MROH9: variants seen among roughly 807,000 people sequenced by gnomAD.
MROH9 encodes maestro heat like repeat family member 9.
In MROH9, 92 loss-of-function variants were observed where a neutral mutation model predicts 98.2. The ratio of observed to expected loss-of-function variants is 0.94; its 90% CI spans 0.79 to 1.11. The LOEUF is 1.11. Among genes scored for constraint, MROH9 ranks in the 50% most tolerant of loss-of-function variants. The pLI, the probability that MROH9 is intolerant of heterozygous loss-of-function variation, is 0.00. For missense variants in MROH9, 1,057 were observed against 1,014.8 expected (o/e 1.04, Z -0.57); for synonymous variants, 397 against 368.9 (o/e 1.08, Z -0.87).
chr1:170,949,713 A>T (rs1157615571), intron 3 of MROH9, among the ~76,000 whole-genome samples: 1 of 152,042 alleles, frequency 6.6e-6, no homozygotes, highest in Admixed American at 6.6e-5. Context: ...ACACTCTCCT[A>T]GTAAATTGAG....
At chr1:171,015,000 T>C in intron 16 of MROH9, 1 of 471,856 alleles carries the variant, frequency 2.1e-6, no homozygotes, top group South Asian at 1.5e-5. Flanking sequence ...GAATACTTCT[T>C]ACCTTCCAGG....
chr1:170,957,479 A>G (rs61815217), intron 3 of MROH9, among the ~76,000 whole-genome samples: 12,147 of 152,194 alleles, frequency 0.08, 624 homozygotes, highest in Non-Finnish European at 0.11. Context: ...TTACTTGACC[A>G]TATATTAATA....
In MROH9 at chr1:171,064,205, TAAACA is replaced by T; in HGVS notation, c.2456_2460del (p.Gln819LeufsTer6). 1 of 1,551,556 alleles carries T rather than the reference TAAACA, an allele frequency of 6.4e-7. No homozygotes were observed. The highest frequency in any genetic ancestry group is 8.7e-7 in the Non-Finnish European group (1 of 1,146,910). On this transcript the variant is annotated frameshift_variant, in exon 22 of 22. Coordinates refer to ENST00000367759, the MANE Select transcript of MROH9 (RefSeq NM_001163629.2). LOFTEE classifies it low-confidence loss of function (END_TRUNC). ...CCCATAAACTGACCTCTGCACCTCT[TAAACA>T]AAACTTCCAAAAATTGCTTAAATTA...
At chr1:171,022,827 G>A (rs1557902004) in intron 17 of MROH9, among the ~76,000 whole-genome samples, 1 of 151,954 alleles carries the variant, frequency 6.6e-6, no homozygotes, top group Admixed American at 6.6e-5. Context: ...TTTTCTAAAG[G>A]ATTTACTTGA....
chr1:171,059,776 G>C (rs1462220514), intron 20 of MROH9, among the ~76,000 whole-genome samples: 2 of 152,018 alleles, frequency 1.3e-5, no homozygotes, highest in African/African-American at 4.8e-5. Flanking sequence ...AACTAACATG[G>C]GAACAGAAAA....
At chr1:171,052,620 A>C (rs1485337829) in intron 20 of MROH9, among the ~76,000 whole-genome samples, 1 of 152,164 alleles carries the variant, frequency 6.6e-6, no homozygotes, top group African/African-American at 2.4e-5. Flanking sequence ...GAGTGCATAA[A>C]AATGCCTAGA....
chr1:171,022,000 A>C (rs2101839596), intron 17 of MROH9, among the ~76,000 whole-genome samples: 1 of 152,308 alleles, frequency 6.6e-6, no homozygotes, highest in South Asian at 2.1e-4. Flanking sequence ...TATGAAAAAA[A>C]GTTCAACATC....
In MROH9 at chr1:171,024,442, A is replaced by C. The variant is rs779148288; in HGVS notation, c.1956A>C (p.Leu652Phe). ...RSMAIRHFGQ[L>F]VRDMRQYTWM... Reference sequence around the variant, plus strand: ...TGGCAATTCGACACTTTGGTCAATTAGTTAGGGATATGAGACAGTACACAT... The same window carrying C: ...TGGCAATTCGACACTTTGGTCAATTCGTTAGGGATATGAGACAGTACACAT... The change falls in exon 18 of 22, where the codon TTA (leucine) becomes TTC (phenylalanine). Residue 652 changes from leucine (L) to phenylalanine (F), a missense_variant. Transcript: ENST00000367759. 1 of 1,551,306 alleles carries C rather than the reference A, an allele frequency of 6.4e-7. No homozygotes were observed. The highest frequency in any genetic ancestry group is 8.7e-7 in the Non-Finnish European group (1 of 1,146,882).
chr1:170,975,935 G>A (rs563827877), intron 8 of MROH9, among the ~76,000 whole-genome samples: 6 of 151,978 alleles, frequency 3.9e-5, no homozygotes, highest in Non-Finnish European at 5.9e-5. Flanking sequence ...GATCTTTGTC[G>A]GCTTAAAGTC....
At chr1:171,015,248 T>C (rs762058746) in intron 16 of MROH9, 1 of 339,534 alleles carries the variant, frequency 2.9e-6, no homozygotes, top group Non-Finnish European at 5.8e-6. Context: ...TACAAGTTGA[T>C]GGATTTACCA....
At chr1:170,997,164 A>G (rs779809969) in intron 14 of MROH9, among the ~76,000 whole-genome samples, 8 of 152,170 alleles carry the variant, frequency 5.3e-5, no homozygotes, top group Non-Finnish European at 8.8e-5. Flanking sequence ...ATCAAGAATC[A>G]AAATACGGGC....
rs187702786 is a variant in MROH9 at position 170,972,638 on chromosome 1, C to G, written c.616+755C>G. Among the ~76,000 whole-genome samples, 448 of 151,730 alleles carry G rather than the reference C, an allele frequency of 3.0e-3. 2 individuals carry two copies. Among genetic ancestry groups the G allele is most frequent in the Non-Finnish European group, 4.5e-3 (305 of 67,858 alleles). On this transcript the variant is annotated intron_variant, in intron 8 of 21. Coordinates refer to ENST00000367759, the MANE Select transcript of MROH9 (RefSeq NM_001163629.2). The stretch of plus-strand genomic sequence containing the variant: ...ATCCTGGCTAACACAGTGAAACCCC[C>G]TCTCTACTAAAAAATACAAAAAAAT...
In MROH9 at chr1:170,965,160, G is replaced by C; in HGVS notation, c.385G>C (p.Val129Leu). ...YKLQILKEML[V>L]WMSKDSSYLQ... is the part of the protein sequence containing the mutation. Reference sequence around the variant, plus strand: ...TTTATGTTTCCAACAGGAAATGCTCGTGTGGATGAGTAAAGATAGCTCATA... The same window carrying C: ...TTTATGTTTCCAACAGGAAATGCTCCTGTGGATGAGTAAAGATAGCTCATA... Residue 129 changes from valine to leucine, a missense_variant, in exon 7 of 22, where the codon GTG becomes CTG. Physicochemically the swap from Val to Leu is conservative, Grantham distance 32. Coordinates refer to ENST00000367759, the MANE Select transcript of MROH9 (RefSeq NM_001163629.2). The C allele has an allele frequency of 6.2e-7, 1 of 1,607,004 alleles. No homozygotes were observed. Among genetic ancestry groups the C allele is most frequent in the Non-Finnish European group, 8.5e-7 (1 of 1,175,030 alleles).
intron 3 of MROH9, among the ~76,000 whole-genome samples, chr1:170,957,708 T>G (rs1649819359): frequency 1.3e-5 from 2 of 152,210 alleles, no homozygotes; most frequent in Admixed American, 1.3e-4. Context: ...TAATTACCAC[T>G]TTTAAAGGCT....
Position 170,998,459 on chromosome 1 carries a change from T to C in MROH9, c.1596+185T>C, listed in dbSNP as rs557170089. On this transcript the variant is annotated intron_variant, in intron 15 of 21. Transcript: ENST00000367759. Reference sequence around the variant, plus strand: ...AGTTAGATCTGGGTTATGGAAGAGTTGTCCCTTCAGCTTTCCCCAGCAGTT... The same window carrying C: ...AGTTAGATCTGGGTTATGGAAGAGTCGTCCCTTCAGCTTTCCCCAGCAGTT... 1.1e-5 allele frequency: 17 copies of C among 1,547,474 alleles called. No individual in the cohort carries two copies. The African/African-American group carries it at 1.8e-4, about 16-fold the overall frequency.
At chr1:171,047,375 C>G (rs938735178) in intron 20 of MROH9, among the ~76,000 whole-genome samples, 2 of 151,870 alleles carry the variant, frequency 1.3e-5, no homozygotes, top group African/African-American at 2.4e-5. Flanking sequence ...TTTGTCAGCT[C>G]TATTTTCAAA....
At chr1:170,994,972 C>T (rs1651504813) in intron 12 of MROH9, among the ~76,000 whole-genome samples, 1 of 146,684 alleles carries the variant, frequency 6.8e-6, no homozygotes, top group Non-Finnish European at 1.5e-5. Flanking sequence ...AGTCAATAGG[C>T]CAAATGATCT....
chr1:171,027,511 A>G (rs1008454313), intron 20 of MROH9, among the ~76,000 whole-genome samples: 3 of 152,170 alleles, frequency 2.0e-5, no homozygotes, highest in African/African-American at 7.2e-5. Context: ...GCTGCAATAA[A>G]CATACATGTG....
intron 20 of MROH9, among the ~76,000 whole-genome samples, chr1:171,057,682 C>G (rs1015046140): frequency 6.6e-6 from 1 of 151,952 alleles, no homozygotes; most frequent in Non-Finnish European, 1.5e-5. Flanking sequence ...TCTCCAAGGT[C>G]AAAATAAGGG....
Sources: gnomAD v4.1 joint callset for allele counts (sites outside exome capture counted in the v4.1 genomes callset) on GRCh38, gnomAD v4.1.1 for gene constraint, MANE v1.5 for transcripts, NCBI Gene and HGNC (gene_info 2026-07-23, HGNC 2026-07-21) for gene names.